CACNG2: variants seen among roughly 807,000 people sequenced by gnomAD.
CACNG2 encodes the protein voltage-dependent calcium channel gamma-2 subunit.
CACNG2 carries 3 observed loss-of-function variants against 25.9 expected under a neutral mutation model. The ratio of observed to expected loss-of-function variants is 0.12; its 90% confidence interval spans 0.05 to 0.30. The LOEUF (loss-of-function observed/expected upper bound fraction) is 0.30, where lower values mean the gene tolerates loss of function less well. Ranked by LOEUF, CACNG2 falls within the 10% of genes least tolerant of loss-of-function variation. CACNG2 has a pLI of 1.00. For missense variants in CACNG2, 341 were observed against 432.5 expected (o/e 0.79, Z 1.88); for synonymous variants, 167 against 173.3 (o/e 0.96, Z 0.29).
intron 1 of CACNG2, among the ~76,000 whole-genome samples, chr22:36,676,462 C>A (rs1050056951): frequency 6.6e-6 from 1 of 152,178 alleles, no homozygotes; most frequent in African/African-American, 2.4e-5. Context: ...TGCAATATCA[C>A]TCATTTTGCA....
chr22:36,672,370 C>T (rs558256602), intron 1 of CACNG2, among the ~76,000 whole-genome samples: 1 of 152,260 alleles, frequency 6.6e-6, no homozygotes, highest in East Asian at 1.9e-4. Flanking sequence ...GTTGCCCAGC[C>T]TGGTCTTAAC....
intron 1 of CACNG2, among the ~76,000 whole-genome samples, chr22:36,645,606 A>G (rs895456152): frequency 2.0e-5 from 3 of 151,588 alleles, no homozygotes; most frequent in Non-Finnish European, 4.4e-5. Flanking sequence ...TGTGCTTGTA[A>G]TTGTTTTCAA....
At chr22:36,570,536 G>T (rs1022540750) in intron 2 of CACNG2, among the ~76,000 whole-genome samples, 2 of 152,072 alleles carry the variant, frequency 1.3e-5, no homozygotes, top group Admixed American at 6.5e-5. Flanking sequence ...GAGGTGGGTG[G>T]ATCACCTGAG....
At chr22:36,679,117 C>A (rs1183576988) in intron 1 of CACNG2, among the ~76,000 whole-genome samples, 2 of 152,068 alleles carry the variant, frequency 1.3e-5, no homozygotes, top group African/African-American at 4.8e-5. Flanking sequence ...AGCTTATCTG[C>A]CAGCATTTTG....
intron 1 of CACNG2, among the ~76,000 whole-genome samples, chr22:36,657,907 G>A (rs185868192): frequency 3.7e-4 from 56 of 152,102 alleles, no homozygotes; most frequent in Admixed American, 2.6e-3. Flanking sequence ...GAAAATCTCC[G>A]TTCACTCCCA....
chr22:36,693,323 AG>A (rs1247608620), intron 1 of CACNG2, among the ~76,000 whole-genome samples: 1 of 152,168 alleles, frequency 6.6e-6, no homozygotes. Flanking sequence ...TGAGAAGAGA[AG>A]GGGAGACTGG....
At chr22:36,632,445 A>G (rs1294164795) in intron 1 of CACNG2, among the ~76,000 whole-genome samples, 1 of 150,224 alleles carries the variant, frequency 6.7e-6, no homozygotes, top group African/African-American at 2.5e-5. Context: ...TGCCCAGCTA[A>G]TACTAGGAGA....
chr22:36,630,250 G>T (rs182984151), intron 1 of CACNG2, among the ~76,000 whole-genome samples: 1 of 152,316 alleles, frequency 6.6e-6, no homozygotes, highest in East Asian at 1.9e-4. Flanking sequence ...GGCAGACCCA[G>T]TGGGAAGCCT....
chr22:36,583,039 A>T (rs547241744), intron 2 of CACNG2, among the ~76,000 whole-genome samples: 2 of 152,242 alleles, frequency 1.3e-5, no homozygotes, highest in African/African-American at 4.8e-5. Flanking sequence ...GGTGGGGCTC[A>T]GGTTGGTCCA....
At chr22:36,647,770 T>C (rs1399970283) in intron 1 of CACNG2, among the ~76,000 whole-genome samples, 1 of 152,198 alleles carries the variant, frequency 6.6e-6, no homozygotes, top group Non-Finnish European at 1.5e-5. Flanking sequence ...AGTTACCAGG[T>C]CATCCCTCTC....
chr22:36,564,965 G>C lies in CACNG2; in HGVS notation c.437-79C>G. On this transcript the variant is annotated intron_variant, in intron 3 of 3. Coordinates refer to ENST00000300105, the MANE Select transcript of CACNG2 (RefSeq NM_006078.5). The surrounding 1 kb of genome is among the most constrained non-coding windows in gnomAD (Gnocchi z 6.7). ...TCAGGAAGTCGGCCACAGGGCAGCC[G>C]TAAAGGACGGGGACAGCTGTGTGGG... is the stretch of plus-strand genomic sequence containing the variant. 2 of 1,335,654 alleles carry C rather than the reference G, an allele frequency of 1.5e-6. No homozygotes were observed. Among genetic ancestry groups the C allele is most frequent in the South Asian group, 1.2e-5 (1 of 85,278 alleles). 82.7% of individuals were successfully genotyped at this position (1,335,654 alleles called of 1,614,324 possible). A position where few individuals can be genotyped will look rare whatever the true frequency, so the allele number is the denominator to read the frequency against.
chr22:36,571,188 G>A (rs979436358), intron 2 of CACNG2, among the ~76,000 whole-genome samples: 5 of 152,290 alleles, frequency 3.3e-5, no homozygotes, highest in Non-Finnish European at 7.3e-5. Context: ...CAGGCATGGT[G>A]GCTCATGCCT....
intron 1 of CACNG2, among the ~76,000 whole-genome samples, chr22:36,590,140 G>A (rs184912979): frequency 6.6e-6 from 1 of 152,288 alleles, no homozygotes; most frequent in Admixed American, 6.5e-5. Flanking sequence ...GCAGGAACAG[G>A]AGCTCACATT....
chr22:36,667,455 G>A (rs1936890471), intron 1 of CACNG2, among the ~76,000 whole-genome samples: 1 of 152,056 alleles, frequency 6.6e-6, no homozygotes, highest in African/African-American at 2.4e-5. Flanking sequence ...TGCACTTTCT[G>A]ACCACCCCCC....
intron 2 of CACNG2, among the ~76,000 whole-genome samples, chr22:36,585,892 C>CCTCT: frequency 6.6e-6 from 1 of 152,322 alleles, no homozygotes; most frequent in Admixed American, 6.5e-5. Flanking sequence ...ACTGAAGAAT[C>CCTCT]CTCTATCTCT....
chr22:36,608,352 C>T (rs967869141), intron 1 of CACNG2, among the ~76,000 whole-genome samples: 1 of 152,202 alleles, frequency 6.6e-6, no homozygotes. Flanking sequence ...TACCCCATGA[C>T]ATCTCTTGTA....
chr22:36,612,199 G>A (rs1177863346), intron 1 of CACNG2, among the ~76,000 whole-genome samples: 1 of 152,186 alleles, frequency 6.6e-6, no homozygotes, highest in Non-Finnish European at 1.5e-5. Flanking sequence ...ATGACCTCGG[G>A]TAAGACATGT....
rs1467469550 is a variant in CACNG2 at position 36,639,128 on chromosome 22, G to A, written c.212-51580C>T. Among the ~76,000 whole-genome samples the A allele has an allele frequency of 5.3e-5, 8 of 152,192 alleles. No homozygotes were observed. In the East Asian group the frequency reaches 1.5e-3, roughly 29 times the overall value. ...GTGGATCCTCCAGTTACTCGTCTGTGTGACCTCGGGAAAGTCACTTCACTT... is the reference window on the plus strand; with the variant it reads ...GTGGATCCTCCAGTTACTCGTCTGTATGACCTCGGGAAAGTCACTTCACTT... On this transcript the variant is annotated intron_variant, in intron 1 of 3. Coordinates refer to ENST00000300105, the MANE Select transcript of CACNG2 (RefSeq NM_006078.5).
Position 36,626,069 on chromosome 22 carries a change from G to A in CACNG2, c.212-38521C>T, listed in dbSNP as rs185015437. On this transcript the variant is annotated intron_variant, in intron 1 of 3. Coordinates refer to ENST00000300105, the MANE Select transcript of CACNG2 (RefSeq NM_006078.5). ...CGAGTAGATGGGAATACAGGTGCCC[G>A]CCACCATGCCCGGCTAACTTTTGTA... is the stretch of plus-strand genomic sequence containing the variant. Among the ~76,000 whole-genome samples, 466 of 152,190 alleles carry A rather than the reference G, an allele frequency of 3.1e-3. 3 individuals carry two copies. The highest frequency in any genetic ancestry group is 0.01 in the African/African-American group (434 of 41,522).
Sources: allele counts gnomAD v4.1 joint callset (sites outside exome capture counted in the v4.1 genomes callset), GRCh38; gene constraint gnomAD v4.1.1; non-coding constraint Gnocchi (gnomAD v3.1); transcripts MANE v1.5; gene names NCBI Gene and HGNC (gene_info 2026-07-23, HGNC 2026-07-21).